Variants in LHX8 observed in about 807,000 individuals in gnomAD.
The protein encoded by LHX8 is LIM homeobox 8.
LHX8 carries 12 observed loss-of-function variants against 40.3 expected under a neutral mutation model. That is an observed-to-expected ratio of 0.30 (90% CI 0.19 to 0.48). The LOEUF (loss-of-function observed/expected upper bound fraction) is 0.48, where lower values mean the gene tolerates loss of function less well. Ranked by LOEUF, LHX8 falls within the 20% of genes least tolerant of loss-of-function variation. The probability of loss-of-function intolerance (pLI) is 0.99; values close to 1 mark genes in which losing one functional copy is unlikely to be tolerated. For missense variants in LHX8, 344 were observed against 433.7 expected, an observed-to-expected ratio of 0.79 and a Z score of 1.84; for synonymous variants, 179 against 162.0, an observed-to-expected ratio of 1.10 and a Z score of -0.80.
chr1:75,171,890 A>G, the LHX8 span, among the ~76,000 whole-genome samples: 3 of 152,250 alleles, frequency 2.0e-5, no homozygotes, highest in Non-Finnish European at 2.9e-5. Flanking sequence ...GCTAATGGAC[A>G]GAATAGAGTG....
chr1:75,157,160 A>G, intron 8 of LHX8, 84 bp downstream of exon 8: 4 of 1,427,870 alleles, frequency 2.8e-6, no homozygotes, highest in Non-Finnish European at 3.9e-6. Context: ...TACAATTCAC[A>G]TTTTGAAATA....
chr1:75,143,948 G>A lies in LHX8; in HGVS notation c.684G>A (p.Gln228=). 6.2e-7 allele frequency: 1 copy of A among 1,612,278 alleles called. No individual in the cohort carries two copies. Among genetic ancestry groups the A allele is most frequent in the Non-Finnish European group, 8.5e-7 (1 of 1,178,716 alleles). ...ARTSFTADQL[Q]VMQAQFAQDN... The stretch of plus-strand genomic sequence containing the variant: ...CCAGCTTTACAGCAGATCAGCTTCA[G>A]GTAAGCATAACAATGAATTTTTTAT... Residue 228 remains glutamine, a splice_region_variant and synonymous_variant, in exon 6 of 9, where the codon CAG becomes CAA. Coordinates refer to ENST00000356261, the MANE Select transcript of LHX8 (RefSeq NM_001256114.2).
downstream of LHX8, among the ~76,000 whole-genome samples, chr1:75,162,811 T>C (rs1338021030): frequency 6.6e-6 from 1 of 152,186 alleles, no homozygotes; most frequent in Non-Finnish European, 1.5e-5. Context: ...TAAAACCTAA[T>C]ATTAGGAAAG....
rs1648899819 is a variant in LHX8, at chr1:75,160,870, C to T, written c.1016C>T (p.Thr339Ile). 6.2e-7 allele frequency: 1 copy of T among 1,612,450 alleles called. No homozygotes were observed. The highest frequency in any genetic ancestry group is 1.3e-5 in the African/African-American group (1 of 74,858). Reference protein sequence around the residue: ...GLQPLLPHSMTQLPISHT With the variant: ...GLQPLLPHSMIQLPISHT The stretch of plus-strand genomic sequence containing the variant: ...CAGCCCTTGTTACCCCATTCAATGA[C>T]ACAACTGCCAATAAGTCATACCTAA... Residue 339 changes from threonine (T) to isoleucine (I), a missense_variant, in exon 9 of 9, where the codon ACA becomes ATA. Physicochemically the swap from Thr to Ile is moderately conservative, Grantham distance 89. This residue lies in a region of LHX8 where 89 missense variants were observed against 92.8 expected (regional missense o/e 0.96). Transcript: ENST00000356261.
chr1:75,156,780 GGT>G (rs2100361358), intron 7 of LHX8, 111 bp from the exon 8 acceptor site: 2 of 921,720 alleles, frequency 2.2e-6, no homozygotes, highest in East Asian at 4.8e-5. Context: ...ACATTTATGC[GGT>G]GCTTGTGTGG....
chr1:75,169,805 G>A, the LHX8 span, among the ~76,000 whole-genome samples: 632 of 152,202 alleles, frequency 4.2e-3, 6 homozygotes, highest in African/African-American at 0.014. Flanking sequence ...ATTGCCTTTC[G>A]TGGCCCTACT....
At chr1:75,191,752 A>G in the LHX8 span, among the ~76,000 whole-genome samples, 2 of 152,240 alleles carry the variant, frequency 1.3e-5, no homozygotes, top group East Asian at 3.8e-4. Context: ...GGGACTAAAG[A>G]ATATTAAAAA....
At chr1:75,189,563 CA>C in the LHX8 span, among the ~76,000 whole-genome samples, 8 of 151,600 alleles carry the variant, frequency 5.3e-5, no homozygotes, top group Admixed American at 1.3e-4. Flanking sequence ...GCTAATGAAA[CA>C]AAAAAAGTCA....
rs200350033 is a variant in LHX8, at chr1:75,143,836, T to A, written c.581-9T>A. The A allele has an allele frequency of 1.0e-5, 16 of 1,604,756 alleles. No individual in the cohort carries two copies. In the Admixed American group the frequency reaches 1.0e-4, roughly 10 times the overall value. On this transcript the variant is annotated splice_polypyrimidine_tract_variant and intron_variant, in intron 5 of 8. Transcript: ENST00000356261. ...TTACCAACATATATAGTGTGTTTTT[T>A]AAATGCAGGGAATGGGATTAGTGTG...
intron 3 of LHX8, among the ~76,000 whole-genome samples, chr1:75,138,268 C>G (rs905887155): frequency 6.6e-6 from 1 of 152,130 alleles, no homozygotes; most frequent in Non-Finnish European, 1.5e-5. Flanking sequence ...ACTTTCTATT[C>G]TCTCCCCACC....
At chr1:75,182,246 T>C in the LHX8 span, among the ~76,000 whole-genome samples, 1 of 152,184 alleles carries the variant, frequency 6.6e-6, no homozygotes, top group Admixed American at 6.5e-5. Flanking sequence ...CACCATTTGT[T>C]GAATAGGATG....
intron 3 of LHX8, among the ~76,000 whole-genome samples, chr1:75,139,248 C>T (rs1489838519): frequency 6.6e-6 from 1 of 152,158 alleles, no homozygotes; most frequent in African/African-American, 2.4e-5. Context: ...TATGTTTAGA[C>T]ATACACAGAT....
At chr1:75,150,156 T>G (rs1648567051) in intron 7 of LHX8, among the ~76,000 whole-genome samples, 1 of 152,142 alleles carries the variant, frequency 6.6e-6, no homozygotes, top group Non-Finnish European at 1.5e-5. Flanking sequence ...GAGGGTCACC[T>G]AAGTCCAGGA....
At chr1:75,155,997 CTTTT>C (rs200891522) in intron 7 of LHX8, among the ~76,000 whole-genome samples, 1 of 130,500 alleles carries the variant, frequency 7.7e-6, no homozygotes. Context: ...ATTTAGTAGT[CTTTT>C]TTTTTTTTTT....
chr1:75,132,088 C>T (rs1647989254), upstream of LHX8: 1 of 152,134 alleles, frequency 6.6e-6, no homozygotes, highest in South Asian at 2.1e-4. Context: ...TTAGCGCACC[C>T]CTGTAAAGTA....
At chr1:75,170,918 A>G in the LHX8 span, among the ~76,000 whole-genome samples, 27 of 152,342 alleles carry the variant, frequency 1.8e-4, no homozygotes, top group African/African-American at 5.8e-4. Flanking sequence ...TACTCTTTAC[A>G]ACATTGCCGC....
chr1:75,175,968 A>G, the LHX8 span, among the ~76,000 whole-genome samples: 1 of 152,178 alleles, frequency 6.6e-6, no homozygotes. Context: ...GATGGTTTCC[A>G]GCTTCATCCA....
chr1:75,133,756 C>T (rs1242985361), upstream of LHX8, among the ~76,000 whole-genome samples: 2 of 152,304 alleles, frequency 1.3e-5, no homozygotes, highest in East Asian at 3.9e-4. Flanking sequence ...GACAAGGCTG[C>T]TCGGGCTTAC....
upstream of LHX8, chr1:75,130,665 G>A (rs764181257): frequency 2.6e-6 from 4 of 1,533,420 alleles, no homozygotes; most frequent in Non-Finnish European, 3.6e-6. Flanking sequence ...GTCTGGGACC[G>A]GTAAGTCCCA....
Sources: gnomAD v4.1 joint callset for allele counts (sites outside exome capture counted in the v4.1 genomes callset) on GRCh38, gnomAD v4.1.1 for gene constraint, gnomAD v4.1.1 regional missense constraint, MANE v1.5 for transcripts, NCBI Gene and HGNC (gene_info 2026-07-23, HGNC 2026-07-21) for gene names.